Variants in KIF1B observed in about 807,000 individuals in gnomAD.
The protein encoded by KIF1B is kinesin-like protein KIF1B.
In KIF1B, 76 loss-of-function variants were observed where a neutral mutation model predicts 241.9. The ratio of observed to expected loss-of-function variants is 0.31; its 90% CI spans 0.26 to 0.38. The LOEUF is 0.38. Among genes scored for constraint, KIF1B ranks in the 10% least tolerant of loss-of-function variants. The pLI, the probability that KIF1B is intolerant of heterozygous loss-of-function variation, is 1.00. For missense variants in KIF1B, 1,622 were observed against 2,271.4 expected, an observed-to-expected ratio of 0.71 and a Z score of 5.81; for synonymous variants, 750 against 796.7, an observed-to-expected ratio of 0.94 and a Z score of 0.99.
At chr1:10,285,678 C>T (rs1649652049) in intron 15 of KIF1B, among the ~76,000 whole-genome samples, 1 of 152,190 alleles carries the variant, frequency 6.6e-6, no homozygotes, top group African/African-American at 2.4e-5. Flanking sequence ...GCATAAGCAC[C>T]TTAGTTCTGC....
intron 27 of KIF1B, among the ~76,000 whole-genome samples, chr1:10,332,816 C>CTT (rs1282004408): frequency 4.5e-5 from 5 of 111,640 alleles, no homozygotes; most frequent in East Asian, 5.4e-4. Context: ...CGCCTGGCCT[C>CTT]TTTTTTTTTT....
intron 5 of KIF1B, among the ~76,000 whole-genome samples, chr1:10,263,351 A>ACC (rs112856444): frequency 3.3e-5 from 5 of 151,032 alleles, no homozygotes; most frequent in African/African-American, 1.2e-4. Context: ...TCTCACCGCC[A>ACC]CCCCCCCACC....
chr1:10,374,382 A>T lies in KIF1B; in HGVS notation c.5013A>T (p.Pro1671=). The T allele has an allele frequency of 6.2e-7, 1 of 1,614,182 alleles. No homozygotes were observed. Reference sequence around the variant, plus strand: ...AATTTGAACAGTTTCAGATTGTCCCAGCTGTGGAAACACCATATTTGGCCC... The same window carrying T: ...AATTTGAACAGTTTCAGATTGTCCCTGCTGTGGAAACACCATATTTGGCCC... The part of the protein sequence containing the change: ...CPEFEQFQIV[P]AVETPYLARA... Residue 1671 remains proline (P), a synonymous_variant, in exon 46 of 49, where the codon CCA becomes CCT. Transcript: ENST00000676179. This position sits in a 1 kb window ranked among gnomAD's most constrained non-coding sequence, Gnocchi z 4.3.
At chr1:10,291,979 A>G in intron 16 of KIF1B, 68 bp from the exon 17 acceptor site, 9 of 1,357,386 alleles carry the variant, frequency 6.6e-6, no homozygotes, top group Admixed American at 5.0e-5. Flanking sequence ...TTTATTTTCC[A>G]ATTCATATTA....
intron 2 of KIF1B, among the ~76,000 whole-genome samples, chr1:10,244,638 A>G (rs1206326836): frequency 5.5e-5 from 4 of 72,860 alleles, no homozygotes; most frequent in Non-Finnish European, 7.9e-5. Context: ...TTTGAGACGG[A>G]GTCTTGCTCT....
rs148840418 is a variant in KIF1B at position 10,310,133 on chromosome 1, C to T, written c.2116-9910C>T. On this transcript the variant is annotated intron_variant, in intron 22 of 48. Transcript: ENST00000676179. ...ATGTAAACTCACCTAGAATAAATGC[C>T]GTATCTGTCTTATTCACTTCGCCAG... 7.3e-5 allele frequency among the ~76,000 whole-genome samples: 11 copies of T among 151,650 alleles called. No homozygotes were observed. In the East Asian group the frequency reaches 1.4e-3, roughly 19 times the overall value.
Position 10,283,206 on chromosome 1 carries a change from CAAAAAAAAAAAA to C in KIF1B, c.1434+687_1434+698del, listed in dbSNP as rs33994771. Among the ~76,000 whole-genome samples the C allele has an allele frequency of 1.8e-3, 113 of 61,590 alleles. 1 individual carries two copies. In the South Asian group the frequency reaches 0.077, roughly 42 times the overall value. 40.4% of individuals were successfully genotyped at this position (61,590 alleles called of 152,430 possible). A position where few individuals can be genotyped will look rare whatever the true frequency, so the allele number is the denominator to read the frequency against. On this transcript the variant is annotated intron_variant, in intron 15 of 48. Transcript: ENST00000676179. ...TGGGGGACACAGTGAGACTCCGTCT[CAAAAAAAAAAAA>C]AAAAAAAAAAAAAGATAAAGTTAGA...
chr1:10,348,762 A>G, intron 37 of KIF1B, 29 bp downstream of exon 37: 1 of 1,577,810 alleles, frequency 6.3e-7, no homozygotes, highest in Non-Finnish European at 8.7e-7. Flanking sequence ...CCAAGGATAG[A>G]ACCAGGACTT....
rs1650610099 is a variant in KIF1B, at chr1:10,302,863, A to G, written c.2115+5617A>G. On this transcript the variant is annotated intron_variant, in intron 22 of 48. Coordinates refer to ENST00000676179, the MANE Select transcript of KIF1B (RefSeq NM_001365951.3). ...GGTGACATACTCATCCCTGTTGTCA[A>G]TTCTCCTAAGAAATTTGGTGGCAAA... Among the ~76,000 whole-genome samples the G allele has an allele frequency of 2.0e-5, 3 of 152,190 alleles. No individual in the cohort carries two copies. In the South Asian group the frequency reaches 6.2e-4, roughly 32 times the overall value.
chr1:10,364,886 G>A (rs1638522558), intron 41 of KIF1B, among the ~76,000 whole-genome samples: 1 of 151,314 alleles, frequency 6.6e-6, no homozygotes, highest in Non-Finnish European at 1.5e-5. Context: ...GGCACCTGTA[G>A]TCTCAGCTAC....
intron 32 of KIF1B, 111 bp from the exon 33 acceptor site, chr1:10,341,939 A>T: frequency 1.3e-6 from 1 of 785,614 alleles, no homozygotes; most frequent in Non-Finnish European, 2.2e-6. Flanking sequence ...GCTACAGAGC[A>T]AGACCTTGCC....
At chr1:10,364,983 G>A in intron 41 of KIF1B, 117 bp from the exon 42 acceptor site, 1 of 872,774 alleles carries the variant, frequency 1.1e-6, no homozygotes. Flanking sequence ...TCCAGCCTGG[G>A]CAACAGAGCG....
chr1:10,356,073 T>A (rs1259779799), intron 38 of KIF1B, among the ~76,000 whole-genome samples: 2 of 151,760 alleles, frequency 1.3e-5, no homozygotes, highest in East Asian at 1.9e-4. Context: ...TTAAAAAAAA[T>A]ACAACATAAA....
chr1:10,322,341 C>T (rs887872935), intron 24 of KIF1B, among the ~76,000 whole-genome samples: 6 of 152,126 alleles, frequency 3.9e-5, no homozygotes, highest in Non-Finnish European at 8.8e-5. Flanking sequence ...TGTTGATCCC[C>T]CTAGCCCTGT....
At position 10,377,523 on chromosome 1, in the gene KIF1B, T is replaced by C. The variant is rs542137518; in HGVS notation, c.*936T>C. On this transcript the variant is annotated 3_prime_UTR_variant, in exon 49 of 49. Coordinates refer to ENST00000676179, the MANE Select transcript of KIF1B (RefSeq NM_001365951.3). Reference sequence around the variant, plus strand: ...TTTCTAGGAGTGTCTCAGTTCTGCTTTTGGCATTAGTGATGGTGGTGGTAC... The same window carrying C: ...TTTCTAGGAGTGTCTCAGTTCTGCTCTTGGCATTAGTGATGGTGGTGGTAC... 1.0e-4 allele frequency: 23 copies of C among 226,902 alleles called. No individual in the cohort carries two copies. Among genetic ancestry groups the C allele is most frequent in the African/African-American group, 4.9e-4 (22 of 45,076 alleles). The allele number at this position is 226,902 out of a possible 1,614,324, so 14.1% of individuals were successfully genotyped here.
At chr1:10,243,058 G>A (rs1404133677) in intron 2 of KIF1B, among the ~76,000 whole-genome samples, 1 of 152,172 alleles carries the variant, frequency 6.6e-6, no homozygotes, top group African/African-American at 2.4e-5. Context: ...CATTGTTCCG[G>A]TCTGTTACTG....
chr1:10,304,568 G>A, intron 22 of KIF1B: 1 of 1,614,128 alleles, frequency 6.2e-7, no homozygotes. Context: ...AGCCACTGTA[G>A]CCAGTTTGTG....
chr1:10,309,705 T>TATAATCCA (rs1484078945), intron 22 of KIF1B, among the ~76,000 whole-genome samples: 3 of 151,536 alleles, frequency 2.0e-5, no homozygotes, highest in African/African-American at 7.4e-5. Context: ...TCTTGACCCC[T>TATAATCCA]ATAATCCAAT....
At chr1:10,279,018 A>C in intron 13 of KIF1B, 79 bp from the exon 14 acceptor site, 1 of 998,608 alleles carries the variant, frequency 1.0e-6, no homozygotes, top group Non-Finnish European at 1.5e-6. Flanking sequence ...AATGCCAAAA[A>C]CTGCTCTGTT....
Sources: gnomAD v4.1 joint callset for allele counts (sites outside exome capture counted in the v4.1 genomes callset) on GRCh38, gnomAD v4.1.1 for gene constraint, Gnocchi (gnomAD v3.1) non-coding constraint, MANE v1.5 for transcripts, NCBI Gene and HGNC (gene_info 2026-07-23, HGNC 2026-07-21) for gene names.